Variants in IPO11 observed in about 807,000 individuals in gnomAD.
The protein encoded by IPO11 is importin-11.
A neutral mutation model predicts 143.2 loss-of-function variants in IPO11; 66 were observed. The ratio of observed to expected loss-of-function variants is 0.46; its 90% CI spans 0.38 to 0.57. The LOEUF (loss-of-function observed/expected upper bound fraction) is 0.57, where lower values mean the gene tolerates loss of function less well. Among genes scored for constraint, IPO11 ranks in the 20% least tolerant of loss-of-function variants. The probability of loss-of-function intolerance (pLI) is 0.00; values close to 1 mark genes in which losing one functional copy is unlikely to be tolerated. For synonymous variants in IPO11, 385 were observed against 377.8 expected, an observed-to-expected ratio of 1.02 and a Z score of -0.22; for missense variants, 1,026 against 1,141.0, an observed-to-expected ratio of 0.90 and a Z score of 1.45.
intron 27 of IPO11, chr5:62,579,638 T>G: frequency 6.5e-7 from 1 of 1,549,666 alleles, no homozygotes; most frequent in Non-Finnish European, 8.7e-7. Flanking sequence ...TTTCTGTATC[T>G]GACTGGGAAT....
At position 62,467,181 on chromosome 5, in the gene IPO11, A is replaced by G; in HGVS notation, c.567A>G (p.Thr189=). 1.2e-6 allele frequency: 2 copies of G among 1,614,002 alleles called. No homozygotes were observed. The highest frequency in any genetic ancestry group is 1.7e-6 in the Non-Finnish European group (2 of 1,179,934). The stretch of plus-strand genomic sequence containing the variant: ...CCTGCTCTCTGTGGAATCACCACAC[A>G]GACACATTCCTGCAAGAAGTTTCTT... ...NFACSLWNHH[T]DTFLQEVSSG... is the part of the protein sequence containing the mutation. Residue 189 remains threonine, a synonymous_variant, in exon 6 of 30, where the codon ACA becomes ACG. Transcript: ENST00000325324.
intron 20 of IPO11, among the ~76,000 whole-genome samples, chr5:62,524,613 G>A (rs942189172): frequency 5.9e-5 from 9 of 151,750 alleles, no homozygotes; most frequent in African/African-American, 2.2e-4. Flanking sequence ...CTCTTCCTTT[G>A]GAAAACTCCT....
At chr5:62,558,393 C>T (rs1743650920) in intron 26 of IPO11, among the ~76,000 whole-genome samples, 1 of 152,084 alleles carries the variant, frequency 6.6e-6, no homozygotes, top group Admixed American at 6.5e-5. Context: ...TCAGTGCAAA[C>T]TAAAATTAGT....
intron 27 of IPO11, among the ~76,000 whole-genome samples, chr5:62,590,636 T>A (rs1744973260): frequency 2.0e-5 from 3 of 152,202 alleles, no homozygotes; most frequent in Non-Finnish European, 4.4e-5. Context: ...TTAGCTTAGA[T>A]AACTATTTTG....
chr5:62,587,779 A>G (rs190155532), intron 27 of IPO11, among the ~76,000 whole-genome samples: 25 of 152,240 alleles, frequency 1.6e-4, no homozygotes, highest in Non-Finnish European at 3.1e-4. Flanking sequence ...TTCCTTGTGG[A>G]TACTATTATG....
At chr5:62,443,140 G>T (rs1297808620) in intron 3 of IPO11, 57 bp downstream of exon 3, 4 of 1,104,624 alleles carry the variant, frequency 3.6e-6, no homozygotes, top group Non-Finnish European at 5.4e-6. Flanking sequence ...ATTCAGGAAG[G>T]TGTAAGAATA....
At position 62,619,620 on chromosome 5, in the gene IPO11, G is replaced by A. The variant is rs915178658; in HGVS notation, c.2764-7534G>A. Among the ~76,000 whole-genome samples the A allele has an allele frequency of 6.6e-5, 10 of 152,188 alleles. No individual in the cohort carries two copies. In the East Asian group the frequency reaches 9.7e-4, roughly 15 times the overall value. On this transcript the variant is annotated intron_variant, in intron 29 of 29. Transcript: ENST00000325324. The stretch of plus-strand genomic sequence containing the variant: ...TGTAATCCCAGCACTTTGGGAGGCC[G>A]AGGCAGGCGGATCACGAGGTCAGGA...
In IPO11 at chr5:62,435,182, A is replaced by ATATATGTATATATATGTG. The variant is rs1561309119; in HGVS notation, c.-6-2087_-6-2086insGTATATATATGTGTATAT. On this transcript the variant is annotated intron_variant, in intron 1 of 29. Coordinates refer to ENST00000325324, the MANE Select transcript of IPO11 (RefSeq NM_016338.5). ...TATATGTATATATATGTATATATGT[A>ATATATGTATATATATGTG]TATATATGTATATATATGTATATAT... 3.3e-4 allele frequency among the ~76,000 whole-genome samples: 33 copies of ATATATGTATATATATGTG among 101,050 alleles called. 1 individual carries two copies. The highest frequency in any genetic ancestry group is 5.1e-3 in the Middle Eastern group (1 of 198). The allele number at this position is 101,050 out of a possible 152,430, so 66.3% of individuals were successfully genotyped here.
chr5:62,438,950 T>G lies in IPO11; in HGVS notation c.138+1533T>G, dbSNP rs1176370650. ...GGCGGGCGCCTGTAGTCCCAGCTAC[T>G]TGGGAGGCTGAAGCAGGAGAATGGT... On this transcript the variant is annotated intron_variant, in intron 2 of 29. Coordinates refer to ENST00000325324, the MANE Select transcript of IPO11 (RefSeq NM_016338.5). Among the ~76,000 whole-genome samples, 8 of 151,922 alleles carry G rather than the reference T, an allele frequency of 5.3e-5. No individual in the cohort carries two copies. The East Asian group carries it at 1.4e-3, about 26-fold the overall frequency.
intron 29 of IPO11, among the ~76,000 whole-genome samples, chr5:62,624,929 G>C (rs570098200): frequency 6.8e-6 from 1 of 146,314 alleles, no homozygotes; most frequent in East Asian, 2.1e-4. Flanking sequence ...AGCTTGCAGT[G>C]AGCCGAAATC....
chr5:62,492,410 G>A (rs26645), intron 15 of IPO11, among the ~76,000 whole-genome samples: 105,271 of 152,056 alleles, frequency 0.69, 36,827 homozygotes, highest in African/African-American at 0.78. Context: ...CTCAGATTCC[G>A]TCTGTCTCTG....
Position 62,437,895 on chromosome 5 carries a change from A to G in IPO11, c.138+478A>G, listed in dbSNP as rs923837671. ...TTTCTTGGATATAATGGGAAATGGT[A>G]TAATTAATTAACAATATGTGCTTTA... On this transcript the variant is annotated intron_variant, in intron 2 of 29. Coordinates refer to ENST00000325324, the MANE Select transcript of IPO11 (RefSeq NM_016338.5). Among the ~76,000 whole-genome samples the G allele has an allele frequency of 2.9e-4, 44 of 152,248 alleles. 1 individual carries two copies. The highest frequency in any genetic ancestry group is 1.4e-3 in the Admixed American group (21 of 15,282).
In IPO11 at chr5:62,494,061, G is replaced by A. The variant is rs1442272536; in HGVS notation, c.1527G>A (p.Lys509=). 6.2e-7 allele frequency: 1 copy of A among 1,613,542 alleles called. No homozygotes were observed. The highest frequency in any genetic ancestry group is 8.5e-7 in the Non-Finnish European group (1 of 1,179,692). The stretch of plus-strand genomic sequence containing the variant: ...GTCAGTGGATTTCTGTGAAATTCAA[G>A]TCTGACTTAAGACCCATGCTTTATG... ...LIGQWISVKF[K]SDLRPMLYEA... is the part of the protein sequence containing the mutation. Residue 509 remains lysine (K), a synonymous_variant, in exon 16 of 30, where the codon AAG becomes AAA. Transcript: ENST00000325324.
At chr5:62,530,887 A>G in intron 22 of IPO11, 102 bp downstream of exon 22, 1 of 850,194 alleles carries the variant, frequency 1.2e-6, no homozygotes, top group Non-Finnish European at 2.0e-6. Flanking sequence ...TGTAAGTTCA[A>G]CTTCTAGTTT....
At chr5:62,468,854 G>A (rs1745658002) in intron 6 of IPO11, among the ~76,000 whole-genome samples, 1 of 152,154 alleles carries the variant, frequency 6.6e-6, no homozygotes, top group South Asian at 2.1e-4. Context: ...GTTCTGAAAT[G>A]AAGAAATACT....
At chr5:62,484,271 A>T in intron 11 of IPO11, 109 bp downstream of exon 11, 2 of 889,068 alleles carry the variant, frequency 2.2e-6, no homozygotes, top group Non-Finnish European at 3.2e-6. Flanking sequence ...TTGATCTGGA[A>T]ATCTTGGTGT....
intron 26 of IPO11, 59 bp from the exon 27 acceptor site, chr5:62,561,077 T>C: frequency 1.4e-6 from 2 of 1,470,192 alleles, no homozygotes; most frequent in Non-Finnish European, 1.8e-6. Context: ...TTTAAAAGTA[T>C]TTACCCACAA....
chr5:62,498,128 T>C (rs1741222744), intron 16 of IPO11, among the ~76,000 whole-genome samples: 1 of 152,196 alleles, frequency 6.6e-6, no homozygotes, highest in Non-Finnish European at 1.5e-5. Flanking sequence ...AAATTTTTCA[T>C]AGTTTATGGA....
chr5:62,437,159 G>C, intron 1 of IPO11, 115 bp from the exon 2 acceptor site: 1 of 690,702 alleles, frequency 1.4e-6, no homozygotes, highest in Admixed American at 3.0e-5. Context: ...GAACATGAAG[G>C]ATTAGATGAA....
Sources: allele counts gnomAD v4.1 joint callset (sites outside exome capture counted in the v4.1 genomes callset), GRCh38; gene constraint gnomAD v4.1.1; transcripts MANE v1.5; gene names NCBI Gene and HGNC (gene_info 2026-07-23, HGNC 2026-07-21).